EYS: variants seen among roughly 807,000 people sequenced by gnomAD.
EYS encodes protein eyes shut homolog.
A neutral mutation model predicts 282.1 loss-of-function variants in EYS; 250 were observed. That is an observed-to-expected ratio of 0.89 (90% confidence interval 0.80 to 0.98). The LOEUF (loss-of-function observed/expected upper bound fraction) is 0.98. Among genes scored for constraint, EYS ranks in the 50% least tolerant of loss-of-function variants. EYS has a pLI of 0.00. For missense variants in EYS, 4,016 were observed against 3,709.0 expected, an observed-to-expected ratio of 1.08 and a Z score of -2.15; for synonymous variants, 1,355 against 1,282.9, an observed-to-expected ratio of 1.06 and a Z score of -1.20.
intron 34 of EYS, among the ~76,000 whole-genome samples, chr6:63,985,330 T>C (rs968490269): frequency 6.6e-6 from 1 of 151,664 alleles, no homozygotes; most frequent in Non-Finnish European, 1.5e-5. Flanking sequence ...AGGCATTATC[T>C]TTCTCAAGTC....
At chr6:65,118,480 T>C (rs571615422) in intron 12 of EYS, among the ~76,000 whole-genome samples, 1 of 152,328 alleles carries the variant, frequency 6.6e-6, no homozygotes. Context: ...CCATGAAGAA[T>C]TATACTGGCT....
At chr6:64,324,555 A>G (rs1265954100) in intron 29 of EYS, among the ~76,000 whole-genome samples, 1 of 152,184 alleles carries the variant, frequency 6.6e-6, no homozygotes, top group African/African-American at 2.4e-5. Flanking sequence ...TCCCCTTGAG[A>G]ACTTAAAAAG....
At position 65,245,363 on chromosome 6, in the gene EYS, T is replaced by A. The variant is rs1467792836; in HGVS notation, c.2023+50500A>T. 1.2e-4 allele frequency among the ~76,000 whole-genome samples: 19 copies of A among 152,336 alleles called. 1 individual carries two copies. The highest frequency in any genetic ancestry group is 7.8e-4 in the Admixed American group (12 of 15,302). ...CAAAAATGTAATCAGTTTTTATTTATCTATGCTTCAAAAAATAGCACTAAG... is the reference window on the plus strand; with the variant it reads ...CAAAAATGTAATCAGTTTTTATTTAACTATGCTTCAAAAAATAGCACTAAG... On this transcript the variant is annotated intron_variant, in intron 12 of 42. Coordinates refer to ENST00000503581, the MANE Select transcript of EYS (RefSeq NM_001142800.2).
chr6:65,559,909 A>T (rs1401786259), intron 2 of EYS, among the ~76,000 whole-genome samples: 1 of 151,592 alleles, frequency 6.6e-6, no homozygotes, highest in Non-Finnish European at 1.5e-5. Flanking sequence ...TTTAAAAATT[A>T]GTTCAAAGAT....
chr6:63,888,735 C>T (rs574464334), intron 35 of EYS, among the ~76,000 whole-genome samples: 2 of 152,300 alleles, frequency 1.3e-5, no homozygotes, highest in African/African-American at 4.8e-5. Context: ...CTCTTCTCCC[C>T]CAAAGGATCA....
intron 12 of EYS, among the ~76,000 whole-genome samples, chr6:65,130,875 T>C (rs937367967): frequency 6.6e-6 from 1 of 150,796 alleles, no homozygotes; most frequent in African/African-American, 2.4e-5. Flanking sequence ...TTAAAAATAG[T>C]TTTAAAATAT....
intron 5 of EYS, among the ~76,000 whole-genome samples, chr6:65,416,580 A>G (rs761209099): frequency 3.3e-5 from 5 of 152,034 alleles, no homozygotes; most frequent in Non-Finnish European, 5.9e-5. Flanking sequence ...ATGTGCATAT[A>G]TCCATAAAAA....
At chr6:64,965,364 A>T (rs1770056819) in intron 14 of EYS, among the ~76,000 whole-genome samples, 1 of 151,916 alleles carries the variant, frequency 6.6e-6, no homozygotes, top group African/African-American at 2.4e-5. Flanking sequence ...TATTGTTTAT[A>T]GGCCTTTTTG....
rs537542351 is a variant in EYS at position 64,497,684 on chromosome 6, C to T, written c.5645-58332G>A. Among the ~76,000 whole-genome samples the T allele has an allele frequency of 1.2e-4, 18 of 152,094 alleles. No homozygotes were observed. In the South Asian group the frequency reaches 3.5e-3, roughly 30 times the overall value. On this transcript the variant is annotated intron_variant, in intron 26 of 42. Coordinates refer to ENST00000503581, the MANE Select transcript of EYS (RefSeq NM_001142800.2). ...TGACAGACTCACGGGCAAACCAGTT[C>T]GGAAGGTATCCCATTAACCCAGGCA...
At chr6:64,368,161 T>C (rs1772241483) in intron 29 of EYS, among the ~76,000 whole-genome samples, 1 of 152,136 alleles carries the variant, frequency 6.6e-6, no homozygotes, top group Non-Finnish European at 1.5e-5. Context: ...TGCTCAAAGT[T>C]TAGTTCTCAC....
At chr6:65,527,219 C>G (rs16896761) in intron 2 of EYS, among the ~76,000 whole-genome samples, 4,389 of 152,222 alleles carry the variant, frequency 0.029, 177 homozygotes, top group African/African-American at 0.082. Flanking sequence ...CCCCAAGTAA[C>G]TCTAGAAAGC....
chr6:64,688,054 T>G (rs1770224036), intron 22 of EYS, among the ~76,000 whole-genome samples: 1 of 152,200 alleles, frequency 6.6e-6, no homozygotes, highest in African/African-American at 2.4e-5. Flanking sequence ...TGTATCTCTG[T>G]GGGATCGGTG....
At chr6:64,239,092 T>C (rs1766707325) in intron 30 of EYS, among the ~76,000 whole-genome samples, 1 of 152,240 alleles carries the variant, frequency 6.6e-6, no homozygotes, top group African/African-American at 2.4e-5. Flanking sequence ...TCATCCTTTT[T>C]TATGGCTGCA....
chr6:63,721,493 G>A lies in EYS; in HGVS notation c.8538C>T (p.Gly2846=). 1 of 1,551,330 alleles carries A rather than the reference G, an allele frequency of 6.4e-7. No homozygotes were observed. Among genetic ancestry groups the A allele is most frequent in the South Asian group, 1.2e-5 (1 of 84,056 alleles). The part of the protein sequence containing the change: ...AIENEPVGFQ[G]CIRQVIINNQ... ...TATTTATGATAACTTGTCGGATACA[G>A]CCTTGAAAACCTACAGGTTCATTTT... Residue 2846 remains glycine, a synonymous_variant, in exon 43 of 43, where the codon GGC becomes GGT. Transcript: ENST00000503581.
At chr6:64,857,339 G>GT (rs1766095448) in intron 19 of EYS, among the ~76,000 whole-genome samples, 1 of 152,058 alleles carries the variant, frequency 6.6e-6, no homozygotes. Context: ...GATTCCATAT[G>GT]TAAGTGAAAT....
At chr6:64,640,589 G>A (rs1026932483) in intron 22 of EYS, among the ~76,000 whole-genome samples, 2 of 151,456 alleles carry the variant, frequency 1.3e-5, no homozygotes, top group Non-Finnish European at 2.9e-5. Flanking sequence ...GGAGTGGGGA[G>A]GGATAGCATT....
chr6:65,356,329 G>T (rs537235687), intron 8 of EYS, among the ~76,000 whole-genome samples: 1 of 152,032 alleles, frequency 6.6e-6, no homozygotes, highest in African/African-American at 2.4e-5. Flanking sequence ...AGAGGAAGTT[G>T]GATCAAGGAT....
intron 19 of EYS, among the ~76,000 whole-genome samples, chr6:64,870,777 A>G (rs938717404): frequency 1.3e-5 from 2 of 151,908 alleles, no homozygotes; most frequent in African/African-American, 4.8e-5. Context: ...GCTGTAAACT[A>G]CAATAACAGA....
chr6:64,808,122 C>T (rs960172049), intron 22 of EYS, among the ~76,000 whole-genome samples: 1 of 150,356 alleles, frequency 6.7e-6, no homozygotes, highest in African/African-American at 2.4e-5. Flanking sequence ...CCCTTTCCTT[C>T]CCTTCCCTTC....
Sources: gnomAD v4.1 joint callset for allele counts (sites outside exome capture counted in the v4.1 genomes callset) on GRCh38, gnomAD v4.1.1 for gene constraint, MANE v1.5 for transcripts, NCBI Gene and HGNC (gene_info 2026-07-23, HGNC 2026-07-21) for gene names.